Variants in NOL4L observed in about 807,000 individuals in gnomAD.
NOL4L encodes the protein nucleolar protein 4 like.
NOL4L carries 7 observed loss-of-function variants against 64.5 expected under a neutral mutation model. That is an observed-to-expected ratio of 0.11 (90% CI 0.06 to 0.20). The LOEUF is 0.20. NOL4L is among the 10% of genes least tolerant of loss of function. The pLI, the probability that NOL4L is intolerant of heterozygous loss-of-function variation, is 1.00. For missense variants in NOL4L, 680 were observed against 967.1 expected (o/e 0.70, Z 3.94); for synonymous variants, 413 against 401.0 (o/e 1.03, Z -0.36).
chr20:32,485,093 A>AAAAAAAAAAAAAAAAAAAAAG (rs2016028497), intron 4 of NOL4L, among the ~76,000 whole-genome samples: 4 of 114,528 alleles, frequency 3.5e-5, no homozygotes, highest in South Asian at 3.0e-4. Context: ...AAAAACAACT[A>AAAAAAAAAAAAAAAAAAAAAG]AAAAAAAACC....
chr20:32,447,986 A>G (rs2012471956), intron 10 of NOL4L, among the ~76,000 whole-genome samples, 170 bp from the exon 11 acceptor site: 1 of 152,098 alleles, frequency 6.6e-6, no homozygotes, highest in African/African-American at 2.4e-5. Context: ...TAGTGCTTAG[A>G]ATGGGCCTGC....
chr20:32,488,849 TTCTTTCTTTC>T (rs1568649142), intron 4 of NOL4L, among the ~76,000 whole-genome samples: 9 of 97,296 alleles, frequency 9.3e-5, no homozygotes, highest in African/African-American at 5.7e-4. Context: ...CTTTCTTTCT[TTCTTTCTTTC>T]TTTCTTTCTT....
At chr20:32,536,989 C>T in intron 1 of NOL4L, 1 of 846,466 alleles carries the variant, frequency 1.2e-6, no homozygotes, top group Non-Finnish European at 1.4e-6. Flanking sequence ...GCACCTGCTG[C>T]GCGCGCGCCC....
rs1016340675 is a variant in NOL4L, at chr20:32,576,056, G to A, written c.321+8514C>T. ...AATGAACGAGGCGAGAGGGAATTGA[G>A]AGCAGTGGGCAGCCAGGGCCAGATC... On this transcript the variant is annotated intron_variant, in intron 1 of 10. Coordinates refer to ENST00000621426, the MANE Select transcript of NOL4L (RefSeq NM_001256798.2). 1.1e-4 allele frequency among the ~76,000 whole-genome samples: 16 copies of A among 152,360 alleles called. 1 individual carries two copies. Among genetic ancestry groups the A allele is most frequent in the Admixed American group, 9.8e-4 (15 of 15,306 alleles).
rs1568649324 is a variant in NOL4L, at chr20:32,488,859, CTTTCTTTCTTTCTTTCT to C, written c.700-14134_700-14118del. On this transcript the variant is annotated intron_variant, in intron 4 of 10. Coordinates refer to ENST00000621426, the MANE Select transcript of NOL4L (RefSeq NM_001256798.2). Reference sequence around the variant, plus strand: ...TCTTTCTTTCTTTCTTTCTTTCTTTCTTTCTTTCTTTCTTTCTTTCTTTCTTTCTTTCTTTCCTCTCT... The same window carrying C: ...TCTTTCTTTCTTTCTTTCTTTCTTTCTTCTTTCTTTCTTTCTTTCCTCTCT... 3.3e-3 allele frequency among the ~76,000 whole-genome samples: 253 copies of C among 76,774 alleles called. 6 individuals are homozygous for C. Among genetic ancestry groups the C allele is most frequent in the African/African-American group, 0.016 (230 of 14,384 alleles). 50.4% of individuals were successfully genotyped at this position (76,774 alleles called of 152,430 possible). A position where few individuals can be genotyped will look rare whatever the true frequency, so the allele number is the denominator to read the frequency against.
chr20:32,525,191 C>T (rs1013968632), intron 2 of NOL4L, among the ~76,000 whole-genome samples: 1 of 152,254 alleles, frequency 6.6e-6, no homozygotes, highest in African/African-American at 2.4e-5. Flanking sequence ...GCCCTGCCCT[C>T]CCCACAGCAT....
intron 3 of NOL4L, among the ~76,000 whole-genome samples, chr20:32,516,896 C>T (rs1568678030): frequency 6.6e-6 from 1 of 152,250 alleles, no homozygotes; most frequent in Non-Finnish European, 1.5e-5. Context: ...TCCCAGTTTG[C>T]AACCATGCAA....
At chr20:32,578,138 A>AGGAAGGAAGTAGGGAG (rs1211282817) in intron 1 of NOL4L, among the ~76,000 whole-genome samples, 1 of 50,228 alleles carries the variant, frequency 2.0e-5, no homozygotes, top group Admixed American at 2.5e-4. Context: ...GAAGGAAGGA[A>AGGAAGGAAGTAGGGAG]GGAGGGAGGG....
chr20:32,554,320 CAAA>C (rs58257913), intron 1 of NOL4L, among the ~76,000 whole-genome samples: 4 of 64,044 alleles, frequency 6.2e-5, no homozygotes, highest in Non-Finnish European at 8.9e-5. Flanking sequence ...GACTCTGCCT[CAAA>C]AAAAAAAAAA....
chr20:32,465,280 C>A (rs987833862), intron 5 of NOL4L: 36 of 421,050 alleles, frequency 8.6e-5, no homozygotes, highest in Non-Finnish European at 1.3e-4. Flanking sequence ...AGTCACCGAC[C>A]CATCACCCGG....
intron 3 of NOL4L, among the ~76,000 whole-genome samples, chr20:32,512,571 T>C (rs1037596941): frequency 6.6e-6 from 1 of 152,224 alleles, no homozygotes; most frequent in African/African-American, 2.4e-5. Context: ...AAAGAAAAAA[T>C]TTAAAAACCA....
chr20:32,528,043 G>T, intron 1 of NOL4L, 130 bp from the exon 2 acceptor site: 1 of 641,278 alleles, frequency 1.6e-6, no homozygotes. Context: ...GGGAGGGGAG[G>T]GAGCCTACCG....
At chr20:32,483,228 C>T (rs1388633673) in intron 4 of NOL4L, 1 of 423,604 alleles carries the variant, frequency 2.4e-6, no homozygotes, top group Non-Finnish European at 3.2e-6. Context: ...CTGCGCCCCC[C>T]TCCCCAGAAC....
intron 2 of NOL4L, among the ~76,000 whole-genome samples, chr20:32,523,854 C>T (rs2018031762): frequency 6.6e-6 from 1 of 152,178 alleles, no homozygotes; most frequent in Admixed American, 6.5e-5. Flanking sequence ...AGAGCAGGAG[C>T]TATTTGCAGA....
chr20:32,482,723 AC>A (rs2015812403), intron 4 of NOL4L, among the ~76,000 whole-genome samples: 1 of 151,110 alleles, frequency 6.6e-6, no homozygotes, highest in Non-Finnish European at 1.5e-5. Context: ...CCCGGGAGGG[AC>A]CCGGGCCTGC....
At chr20:32,544,163 A>G (rs939859933) in intron 1 of NOL4L, among the ~76,000 whole-genome samples, 3 of 152,084 alleles carry the variant, frequency 2.0e-5, no homozygotes, top group African/African-American at 7.2e-5. Context: ...TGCTCGTGGA[A>G]AATGGGCTAT....
intron 3 of NOL4L, among the ~76,000 whole-genome samples, chr20:32,516,241 T>C (rs551067481): frequency 2.7e-4 from 41 of 151,786 alleles, no homozygotes; most frequent in African/African-American, 7.0e-4. Flanking sequence ...GGGTTCAAAT[T>C]TGGAAACAGA....
intron 5 of NOL4L, among the ~76,000 whole-genome samples, chr20:32,473,846 C>T (rs554963426): frequency 3.3e-5 from 5 of 152,322 alleles, no homozygotes; most frequent in South Asian, 2.1e-4. Flanking sequence ...ATCTCCTCCA[C>T]GGAAACAAAG....
intron 5 of NOL4L, among the ~76,000 whole-genome samples, chr20:32,458,568 C>T (rs2013764682): frequency 6.6e-6 from 1 of 152,238 alleles, no homozygotes; most frequent in Non-Finnish European, 1.5e-5. Context: ...GACACCCATA[C>T]TGGCTGGTTA....
Sources: gnomAD v4.1 joint callset for allele counts (sites outside exome capture counted in the v4.1 genomes callset) on GRCh38, gnomAD v4.1.1 for gene constraint, MANE v1.5 for transcripts, NCBI Gene and HGNC (gene_info 2026-07-23, HGNC 2026-07-21) for gene names.